Variants in SOCS5 observed in about 807,000 individuals in gnomAD.
SOCS5 encodes the protein suppressor of cytokine signaling 5.
In SOCS5, 32 loss-of-function variants were observed where a neutral mutation model predicts 42.8. That is an observed-to-expected ratio of 0.75 (90% CI 0.56 to 1.01). The LOEUF is 1.01. Ranked by LOEUF, SOCS5 falls within the 50% of genes least tolerant of loss-of-function variation. The probability of loss-of-function intolerance (pLI) is 0.00; values close to 1 mark genes in which losing one functional copy is unlikely to be tolerated. For missense variants in SOCS5, 627 were observed against 653.0 expected, an observed-to-expected ratio of 0.96 and a Z score of 0.43; for synonymous variants, 283 against 229.6, an observed-to-expected ratio of 1.23 and a Z score of -2.10.
At chr2:46,702,785 C>A (rs1408564890) in intron 1 of SOCS5, among the ~76,000 whole-genome samples, 1 of 152,182 alleles carries the variant, frequency 6.6e-6, no homozygotes, top group Non-Finnish European at 1.5e-5. Flanking sequence ...TGTGTTTTAG[C>A]AAATGTTTTT....
At chr2:46,739,553 C>A (rs1356814715) in intron 1 of SOCS5, among the ~76,000 whole-genome samples, 4 of 152,104 alleles carry the variant, frequency 2.6e-5, no homozygotes, top group African/African-American at 9.7e-5. Context: ...AATTATAAAG[C>A]ATATTTGCTA....
chr2:46,707,353 T>C (rs1421265335), intron 1 of SOCS5, among the ~76,000 whole-genome samples: 3 of 152,204 alleles, frequency 2.0e-5, no homozygotes, highest in African/African-American at 7.2e-5. Context: ...TGAGAGTTGG[T>C]GTGTTGTCTG....
intron 1 of SOCS5, among the ~76,000 whole-genome samples, chr2:46,755,340 T>G (rs1258757206): frequency 6.6e-6 from 1 of 152,192 alleles, no homozygotes; most frequent in Non-Finnish European, 1.5e-5. Context: ...TTGTTTTGTG[T>G]AAATTTTGTA....
rs1345384814 is a variant in SOCS5, at chr2:46,699,858, G to A, written c.-13+409G>A. 6.6e-6 allele frequency among the ~76,000 whole-genome samples: 1 copy of A among 152,120 alleles called. No homozygotes were observed. The highest frequency in any genetic ancestry group is 1.5e-5 in the Non-Finnish European group (1 of 68,022). ...GACTGAAGCAGTTACACAGGCTGCAGGGAAGGGAGCACCGACCAAGTCACT... is the reference window on the plus strand; with the variant it reads ...GACTGAAGCAGTTACACAGGCTGCAAGGAAGGGAGCACCGACCAAGTCACT... On this transcript the variant is annotated intron_variant, in intron 1 of 1. Coordinates refer to ENST00000394861, the MANE Select transcript of SOCS5 (RefSeq NM_144949.3). This position sits in a 1 kb window ranked among gnomAD's most constrained non-coding sequence, Gnocchi z 4.8.
chr2:46,754,792 G>A (rs1673699632), intron 1 of SOCS5, among the ~76,000 whole-genome samples: 1 of 152,136 alleles, frequency 6.6e-6, no homozygotes, highest in Admixed American at 6.6e-5. Flanking sequence ...AATATGACGT[G>A]TAAATAACAA....
At chr2:46,711,425 C>G (rs942746127) in intron 1 of SOCS5, among the ~76,000 whole-genome samples, 1 of 152,114 alleles carries the variant, frequency 6.6e-6, no homozygotes, top group African/African-American at 2.4e-5. Context: ...TGCATATCAT[C>G]CTTAGTGATA....
intron 1 of SOCS5, among the ~76,000 whole-genome samples, chr2:46,751,554 T>C (rs529560126): frequency 6.6e-5 from 10 of 152,128 alleles, no homozygotes; most frequent in Non-Finnish European, 1.2e-4. Context: ...TATCTCTAGG[T>C]GGTGGGACTT....
intron 1 of SOCS5, among the ~76,000 whole-genome samples, chr2:46,749,231 C>T (rs1673572836): frequency 6.6e-6 from 1 of 152,192 alleles, no homozygotes; most frequent in Admixed American, 6.5e-5. Flanking sequence ...AATAATCTCT[C>T]CCTAGTCATA....
At chr2:46,708,880 CTTTTTTTTTTTTTTT>C (rs145238668) in intron 1 of SOCS5, among the ~76,000 whole-genome samples, 1 of 63,252 alleles carries the variant, frequency 1.6e-5, no homozygotes, top group South Asian at 6.6e-4. Context: ...ATCCTGAAGC[CTTTTTTTTTTTTTTT>C]TTTTTTTTTT....
chr2:46,749,789 G>A (rs1673585425), intron 1 of SOCS5, among the ~76,000 whole-genome samples: 1 of 152,088 alleles, frequency 6.6e-6, no homozygotes, highest in Non-Finnish European at 1.5e-5. Flanking sequence ...TGTCCATAGT[G>A]TTTCTTAGGA....
chr2:46,721,223 A>C (rs1170038555), intron 1 of SOCS5, among the ~76,000 whole-genome samples: 1 of 152,130 alleles, frequency 6.6e-6, no homozygotes, highest in Admixed American at 6.6e-5. Context: ...TTTGACATCT[A>C]TTTAGATGTT....
At chr2:46,710,853 C>G (rs1046433196) in intron 1 of SOCS5, among the ~76,000 whole-genome samples, 5 of 152,192 alleles carry the variant, frequency 3.3e-5, no homozygotes, top group Admixed American at 6.5e-5. Flanking sequence ...TGCTGTTTCT[C>G]CTTTTCCGTG....
intron 1 of SOCS5, among the ~76,000 whole-genome samples, chr2:46,757,604 C>A (rs1419965186): frequency 2.0e-5 from 3 of 152,156 alleles, no homozygotes; most frequent in Non-Finnish European, 4.4e-5. Context: ...TGGTGGCTCA[C>A]ACCTGTAATC....
In SOCS5 at chr2:46,759,376, A is replaced by G; in HGVS notation, c.846A>G (p.Ala282=). The change falls in exon 2 of 2, where the codon GCA becomes GCG. Residue 282 remains alanine, a synonymous_variant. Coordinates refer to ENST00000394861, the MANE Select transcript of SOCS5 (RefSeq NM_144949.3). ...AAGGGGTTGATCCCCCTCCCAATGC[A>G]CAAATACATACATTTGAAGCTACTG... ...IEEGVDPPPN[A]QIHTFEATAQ... is the part of the protein sequence containing the mutation. 3 of 1,613,992 alleles carry G rather than the reference A, an allele frequency of 1.9e-6. No individual in the cohort carries two copies. Among genetic ancestry groups the G allele is most frequent in the East Asian group, 2.2e-5 (1 of 44,884 alleles).
At chr2:46,718,726 C>T (rs1202278609) in intron 1 of SOCS5, among the ~76,000 whole-genome samples, 1 of 152,084 alleles carries the variant, frequency 6.6e-6, no homozygotes, top group Admixed American at 6.6e-5. Flanking sequence ...TTTCTCTAGG[C>T]TTAAGAAATA....
chr2:46,752,698 C>G (rs1031067763), intron 1 of SOCS5, among the ~76,000 whole-genome samples: 3 of 152,116 alleles, frequency 2.0e-5, no homozygotes, highest in Non-Finnish European at 4.4e-5. Context: ...TGAATGTATA[C>G]TAATGGACTA....
chr2:46,713,123 A>T (rs1672664670), intron 1 of SOCS5, among the ~76,000 whole-genome samples: 1 of 152,246 alleles, frequency 6.6e-6, no homozygotes, highest in South Asian at 2.1e-4. Flanking sequence ...TGGGAGACTG[A>T]GGTGGAAGGA....
intron 1 of SOCS5, among the ~76,000 whole-genome samples, chr2:46,757,121 C>T (rs182275825): frequency 2.0e-5 from 3 of 152,244 alleles, no homozygotes; most frequent in East Asian, 1.9e-4. Flanking sequence ...AGTCCAAGAG[C>T]CTTTTCTGTG....
At chr2:46,731,037 T>A (rs1036903324) in intron 1 of SOCS5, among the ~76,000 whole-genome samples, 1 of 152,230 alleles carries the variant, frequency 6.6e-6, no homozygotes, top group African/African-American at 2.4e-5. Flanking sequence ...TTAAGTCCAT[T>A]ACTCCATTGT....
Sources: allele counts gnomAD v4.1 joint callset (sites outside exome capture counted in the v4.1 genomes callset), GRCh38; gene constraint gnomAD v4.1.1; non-coding constraint Gnocchi (gnomAD v3.1); transcripts MANE v1.5; gene names NCBI Gene and HGNC (gene_info 2026-07-23, HGNC 2026-07-21).